The following BTAF1 variants were observed in gnomAD, a reference collection of about 807,000 sequenced individuals.
BTAF1 encodes B-TFIID TATA-box binding protein associated factor 1.
In BTAF1, 38 loss-of-function variants were observed where a neutral mutation model predicts 227.1. That is an observed-to-expected ratio of 0.17 (90% CI 0.13 to 0.22). BTAF1 has a LOEUF of 0.22. Among genes scored for constraint, BTAF1 ranks in the 10% least tolerant of loss-of-function variants. The pLI is 1.00. For synonymous variants in BTAF1, 742 were observed against 751.9 expected (o/e 0.99, Z 0.21); for missense variants, 1,598 against 2,204.0 (o/e 0.73, Z 5.51).
In BTAF1 at chr10:92,016,457, G is replaced by T; in HGVS notation, c.4702G>T (p.Val1568Leu). The T allele has an allele frequency of 6.4e-7, 1 of 1,556,000 alleles. No homozygotes were observed. The highest frequency in any genetic ancestry group is 8.6e-7 in the Non-Finnish European group (1 of 1,160,326). ...ACCAAAGCTTAAAGCTACAGGCCAC[G>T]TATTCCAGGTATAGATTACATTCTA... The part of the protein sequence containing the change: ...EKPKLKATGH[V>L]FQALQYLRKL... The change falls in exon 33 of 38, where the codon GTA (valine) becomes TTA (leucine). Residue 1568 changes from valine (V) to leucine (L), a missense_variant. By Grantham distance (32) the Val-to-Leu change is conservative (BLOSUM62 1). This residue lies in a region of BTAF1 where 205 missense variants were observed against 244.5 expected (regional missense o/e 0.84). Transcript: ENST00000265990.
In BTAF1 at chr10:92,016,483, CT is replaced by C. The variant is rs11400019; in HGVS notation, c.4710+31del. ...TATTCCAGGTATAGATTACATTCTA[CT>C]TTTTTTTTTTTTGAGATGGAATTTC... On this transcript the variant is annotated intron_variant, in intron 33 of 37. Transcript: ENST00000265990. 0.041 allele frequency: 51,863 copies of C among 1,266,818 alleles called. 2 individuals are homozygous for C. Among genetic ancestry groups the C allele is most frequent in the Middle Eastern group, 0.051 (193 of 3,772 alleles). 78.5% of individuals were successfully genotyped at this position (1,266,818 alleles called of 1,614,324 possible).
intron 32 of BTAF1, 67 bp from the exon 33 acceptor site, chr10:92,016,273 G>A (rs961400413): frequency 1.3e-6 from 2 of 1,541,002 alleles, no homozygotes; most frequent in African/African-American, 2.8e-5. Flanking sequence ...GGCCTTTGCT[G>A]GTTATGTGTT....
intron 34 of BTAF1, 86 bp from the exon 35 acceptor site, chr10:92,024,670 C>T (rs1851362615): frequency 8.6e-7 from 1 of 1,162,158 alleles, no homozygotes; most frequent in Non-Finnish European, 1.2e-6. Flanking sequence ...TTAACCTTTT[C>T]TTGCCACAGA....
intron 1 of BTAF1, 76 bp downstream of exon 1, chr10:91,924,166 T>C: frequency 6.4e-7 from 1 of 1,558,140 alleles, no homozygotes; most frequent in Non-Finnish European, 8.7e-7. Context: ...CCCCCACTCC[T>C]AGAGAAGAGC....
chr10:91,965,509 G>T (rs916343816), intron 13 of BTAF1, among the ~76,000 whole-genome samples: 1 of 152,134 alleles, frequency 6.6e-6, no homozygotes, highest in African/African-American at 2.4e-5. Context: ...GGCCTTAGTG[G>T]ATGGTGTCAG....
intron 5 of BTAF1, among the ~76,000 whole-genome samples, chr10:91,952,099 T>C (rs1845803672): frequency 6.6e-6 from 1 of 151,946 alleles, no homozygotes; most frequent in African/African-American, 2.4e-5. Context: ...TTTCTGAAAC[T>C]TGTGTGTACC....
intron 8 of BTAF1, 131 bp downstream of exon 8, chr10:91,957,424 A>T (rs1247566976): frequency 3.6e-6 from 2 of 553,250 alleles, no homozygotes; most frequent in East Asian, 5.8e-5. Context: ...GGCACGTCAT[A>T]TCATTGACCT....
rs778644526 is a variant in BTAF1, at chr10:91,924,039, G to A, written c.-38G>A. 6 of 1,601,330 alleles carry A rather than the reference G, an allele frequency of 3.7e-6. No homozygotes were observed. The highest frequency in any genetic ancestry group is 5.1e-6 in the Non-Finnish European group (6 of 1,175,802). The stretch of plus-strand genomic sequence containing the variant: ...AACTAGCGCCTCAGCTGCGCGGCGC[G>A]TAGGTCGCGGGGAGCTCCGAACCGC... On this transcript the variant is annotated 5_prime_UTR_variant, in exon 1 of 38. Transcript: ENST00000265990.
chr10:91,971,403 A>T (rs924545048), intron 14 of BTAF1, among the ~76,000 whole-genome samples: 1 of 151,802 alleles, frequency 6.6e-6, no homozygotes, highest in African/African-American at 2.4e-5. Context: ...TGGTCCCCAC[A>T]TACATGCTTT....
chr10:91,924,048 G>C lies in BTAF1; in HGVS notation c.-29G>C. On this transcript the variant is annotated 5_prime_UTR_variant, in exon 1 of 38. Coordinates refer to ENST00000265990, the MANE Select transcript of BTAF1 (RefSeq NM_003972.3). ...CTCAGCTGCGCGGCGCGTAGGTCGC[G>C]GGGAGCTCCGAACCGCCGGCGCCCG... is the stretch of plus-strand genomic sequence containing the variant. 1 of 1,604,952 alleles carries C rather than the reference G, an allele frequency of 6.2e-7. No homozygotes were observed. The highest frequency in any genetic ancestry group is 1.3e-5 in the African/African-American group (1 of 74,340).
At chr10:91,973,405 T>C (rs988041072) in intron 14 of BTAF1, among the ~76,000 whole-genome samples, 6 of 152,210 alleles carry the variant, frequency 3.9e-5, no homozygotes, top group Admixed American at 3.3e-4. Context: ...GTATAAATAA[T>C]AGTACAGATA....
At chr10:92,021,784 TC>T (rs890344803) in intron 34 of BTAF1, among the ~76,000 whole-genome samples, 34 of 152,106 alleles carry the variant, frequency 2.2e-4, no homozygotes, top group African/African-American at 8.0e-4. Flanking sequence ...GACCTCATGA[TC>T]CGCCTGCCTG....
At chr10:91,964,701 A>G (rs1339863528) in intron 13 of BTAF1, among the ~76,000 whole-genome samples, 1 of 152,174 alleles carries the variant, frequency 6.6e-6, no homozygotes, top group Non-Finnish European at 1.5e-5. Context: ...GTCCAAAGGC[A>G]GAGATCAAAT....
At position 92,030,144 on chromosome 10, in the gene BTAF1, A is replaced by G. The variant is rs1851805184; in HGVS notation, c.*1211A>G. 1 of 152,612 alleles carries G rather than the reference A, an allele frequency of 6.6e-6. No individual in the cohort carries two copies. Among genetic ancestry groups the G allele is most frequent in the Non-Finnish European group, 1.5e-5 (1 of 67,984 alleles). The allele number at this position is 152,612 out of a possible 1,614,324, so 9.5% of individuals were successfully genotyped here. ...CCAAGGTTTGTGGCTGGCCATACAC[A>G]TAGGCATCAGTTTAACAACCATCAG... On this transcript the variant is annotated 3_prime_UTR_variant, in exon 38 of 38. Coordinates refer to ENST00000265990, the MANE Select transcript of BTAF1 (RefSeq NM_003972.3).
rs185257649 is a variant in BTAF1, at chr10:91,971,629, G to C, written c.1650+4872G>C. ...TGGGATTACAGGCATGCGCCACCAC[G>C]CCTGACTAATTTTTGTATTTTTAGT... On this transcript the variant is annotated intron_variant, in intron 14 of 37. Transcript: ENST00000265990. 2.7e-4 allele frequency among the ~76,000 whole-genome samples: 41 copies of C among 151,874 alleles called. 1 individual carries two copies. Among genetic ancestry groups the C allele is most frequent in the Admixed American group, 2.0e-3 (31 of 15,252 alleles).
At chr10:92,000,922 G>C (rs1255644625) in intron 25 of BTAF1, among the ~76,000 whole-genome samples, 3 of 152,192 alleles carry the variant, frequency 2.0e-5, no homozygotes, top group South Asian at 4.1e-4. Flanking sequence ...TAGGTATTGA[G>C]AAAAGATTAG....
At chr10:92,025,103 C>T (rs1330313061) in intron 35 of BTAF1, 136 bp downstream of exon 35, 2 of 714,492 alleles carry the variant, frequency 2.8e-6, no homozygotes, top group Non-Finnish European at 4.5e-6. Flanking sequence ...CCAAATAAAC[C>T]CCTTTTTAAC....
chr10:91,943,147 C>T (rs940524035), intron 4 of BTAF1, among the ~76,000 whole-genome samples: 17 of 152,024 alleles, frequency 1.1e-4, no homozygotes, highest in Admixed American at 6.6e-5. Flanking sequence ...AACCCTGTCT[C>T]TACTAAAAAT....
intron 14 of BTAF1, among the ~76,000 whole-genome samples, chr10:91,970,251 G>A (rs994758613): frequency 6.6e-6 from 1 of 151,962 alleles, no homozygotes; most frequent in African/African-American, 2.4e-5. Context: ...TTTAAGCATG[G>A]GCCCTCAATG....
Sources: allele counts gnomAD v4.1 joint callset (sites outside exome capture counted in the v4.1 genomes callset), GRCh38; gene constraint gnomAD v4.1.1; regional missense constraint gnomAD v4.1.1; transcripts MANE v1.5; gene names NCBI Gene and HGNC (gene_info 2026-07-23, HGNC 2026-07-21).